The following EIF3B variants were observed in gnomAD, a reference collection of about 807,000 sequenced individuals.
EIF3B encodes eukaryotic translation initiation factor 3 subunit B.
A neutral mutation model predicts 104.6 loss-of-function variants in EIF3B; 10 were observed. The ratio of observed to expected loss-of-function variants is 0.10; its 90% confidence interval spans 0.06 to 0.16. EIF3B has a LOEUF of 0.16. EIF3B is among the 10% of genes least tolerant of loss of function. The probability of loss-of-function intolerance (pLI) is 1.00; values close to 1 mark genes in which losing one functional copy is unlikely to be tolerated. For synonymous variants in EIF3B, 542 were observed against 417.2 expected (o/e 1.30, Z -3.65); for missense variants, 1,014 against 1,087.9 (o/e 0.93, Z 0.96).
At chr7:2,364,279 A>G (rs1779890372) in intron 5 of EIF3B, 93 bp from the exon 6 acceptor site, 9 of 1,237,902 alleles carry the variant, frequency 7.3e-6, no homozygotes, top group Non-Finnish European at 1.0e-5. Context: ...AAAAGTTTGT[A>G]GAACAGATTC....
At chr7:2,371,684 G>C in intron 10 of EIF3B, 93 bp from the exon 11 acceptor site, 12 of 1,022,610 alleles carry the variant, frequency 1.2e-5, no homozygotes, top group Non-Finnish European at 1.7e-5. Flanking sequence ...CATGCACACT[G>C]AATCTTTCAT....
chr7:2,379,224 C>T lies in EIF3B; in HGVS notation c.2323C>T (p.Arg775Cys). 1.2e-6 allele frequency: 2 copies of T among 1,612,824 alleles called. No individual in the cohort carries two copies. The highest frequency in any genetic ancestry group is 1.7e-6 in the Non-Finnish European group (2 of 1,179,430). ...GCTCTATATGGAGCAGAAAAACGAG[C>T]GCCTGGAGTTGCGAGGAGGTAACTT... is the stretch of plus-strand genomic sequence containing the variant. ...QELYMEQKNE[R>C]LELRGGVDTD... The change falls in exon 17 of 19, where the codon CGC becomes TGC. Residue 775 changes from arginine (R) to cysteine (C), a missense_variant. Coordinates refer to ENST00000360876, the MANE Select transcript of EIF3B (RefSeq NM_001037283.2).
intron 1 of EIF3B, among the ~76,000 whole-genome samples, chr7:2,358,015 CT>C (rs11309464): frequency 0.75 from 113,292 of 151,774 alleles, 42,655 homozygotes; most frequent in East Asian, 0.95. Context: ...GCCTTTTTCC[CT>C]TTTTTTTTCT....
rs1401507943 is a variant in EIF3B, at chr7:2,360,852, T to G, written c.642T>G (p.Phe214Leu). ...KNVIHKIFSK[F>L]GKITNDFYPE... ...TCATCCACAAGATCTTTTCCAAGTT[T>G]GGGAAAATCACAAATGATTTTTATC... Residue 214 changes from phenylalanine (F) to leucine (L), a missense_variant, in exon 2 of 19, where the codon TTT becomes TTG. By Grantham distance (22) the Phe-to-Leu change is conservative. This residue lies in a region of EIF3B where 488 missense variants were observed against 404.3 expected (regional missense o/e 1.21). Transcript: ENST00000360876. The G allele has an allele frequency of 6.2e-7, 1 of 1,613,906 alleles. No homozygotes were observed. Among genetic ancestry groups the G allele is most frequent in the Non-Finnish European group, 8.5e-7 (1 of 1,179,812 alleles).
At chr7:2,368,081 T>G (rs1211826805) in intron 9 of EIF3B, among the ~76,000 whole-genome samples, 1 of 151,774 alleles carries the variant, frequency 6.6e-6, no homozygotes, top group African/African-American at 2.4e-5. Context: ...TGACCTCAAG[T>G]GATCTGCCCA....
Position 2,375,313 on chromosome 7 carries a change from C to A in EIF3B, c.1890-76C>A. On this transcript the variant is annotated intron_variant, in intron 13 of 18. Transcript: ENST00000360876. The stretch of plus-strand genomic sequence containing the variant: ...GGCTGGCTCCCTGGGGACCCCATGC[C>A]GCAGCACCTCTCAGGAGTGGGATGC... The A allele has an allele frequency of 2.5e-6, 4 of 1,590,032 alleles. No homozygotes were observed. In the South Asian group the frequency reaches 3.3e-5, roughly 13 times the overall value.
At chr7:2,371,967 A>C in intron 11 of EIF3B, 118 bp downstream of exon 11, 1 of 792,218 alleles carries the variant, frequency 1.3e-6, no homozygotes. Context: ...GTGAGCCCTC[A>C]CCATGAATAG....
At chr7:2,355,971 C>T (rs960961479) in intron 1 of EIF3B, among the ~76,000 whole-genome samples, 6 of 151,978 alleles carry the variant, frequency 3.9e-5, no homozygotes, top group African/African-American at 9.7e-5. Flanking sequence ...TTATCTCTTG[C>T]GCTAAATCTA....
intron 10 of EIF3B, among the ~76,000 whole-genome samples, chr7:2,370,627 CAG>C (rs1780280671): frequency 6.6e-6 from 1 of 152,072 alleles, no homozygotes; most frequent in Non-Finnish European, 1.5e-5. Context: ...TTCGTGTGTT[CAG>C]AGTTATGCAG....
intron 1 of EIF3B, among the ~76,000 whole-genome samples, chr7:2,355,860 G>T (rs1316869005): frequency 6.6e-6 from 1 of 152,192 alleles, no homozygotes; most frequent in African/African-American, 2.4e-5. Context: ...ACAGCTTGTG[G>T]CAGAGCCGGT....
Position 2,360,696 on chromosome 7 carries a change from T to A in EIF3B, c.500-14T>A. 1.3e-6 allele frequency: 2 copies of A among 1,562,174 alleles called. No individual in the cohort carries two copies. Among genetic ancestry groups the A allele is most frequent in the Non-Finnish European group, 1.7e-6 (2 of 1,147,252 alleles). On this transcript the variant is annotated splice_polypyrimidine_tract_variant and intron_variant, in intron 1 of 18. Transcript: ENST00000360876. ...TTGGTAAAAATGATCATTTGAAAAA[T>A]CTCTCTTGTTCAGAATTACTGGGAG...
Position 2,380,356 on chromosome 7 carries a change from G to A in EIF3B, c.*167G>A, listed in dbSNP as rs761791258. 1 of 518,850 alleles carries A rather than the reference G, an allele frequency of 1.9e-6. No homozygotes were observed. The highest frequency in any genetic ancestry group is 3.8e-6 in the Non-Finnish European group (1 of 259,782). The allele number at this position is 518,850 out of a possible 1,614,324, so 32.1% of individuals were successfully genotyped here. ...TCCCGCCTCCTCCCTGTGCTCTCTG[G>A]CTCTGGACTGTGACTGCGCCTGGAT... On this transcript the variant is annotated 3_prime_UTR_variant, in exon 19 of 19. Transcript: ENST00000360876.
chr7:2,369,134 CTTAT>C (rs1780186024), intron 9 of EIF3B, among the ~76,000 whole-genome samples: 1 of 152,172 alleles, frequency 6.6e-6, no homozygotes, highest in Admixed American at 6.5e-5. Flanking sequence ...CAGCCTAAAA[CTTAT>C]TTGCCTCAAA....
chr7:2,378,751 G>C lies in EIF3B; in HGVS notation c.2217G>C (p.Gln739His). Residue 739 changes from glutamine (Q) to histidine (H), a missense_variant, in exon 16 of 19, where the codon CAG becomes CAC. Physicochemically the swap from Gln to His is conservative, Grantham distance 24. Transcript: ENST00000360876. ...TTGAACAGAAGGATCGTTTGAGTCA[G>C]TCCAAAGCCTCAAAGGTGAGCCTCA... ...KIFEQKDRLS[Q>H]SKASKELVER... is the part of the protein sequence containing the mutation. 6.2e-7 allele frequency: 1 copy of C among 1,613,856 alleles called. No individual in the cohort carries two copies. The highest frequency in any genetic ancestry group is 8.5e-7 in the Non-Finnish European group (1 of 1,179,822).
rs191682685 is a variant in EIF3B at position 2,376,234 on chromosome 7, C to T, written c.2028+707C>T. On this transcript the variant is annotated intron_variant, in intron 14 of 18. Coordinates refer to ENST00000360876, the MANE Select transcript of EIF3B (RefSeq NM_001037283.2). ...TTTAGGCCAGGCACAGTGGCTCACA[C>T]CTGTAATCCCAGCACTTCAGGAGGC... is the stretch of plus-strand genomic sequence containing the variant. 1.8e-3 allele frequency: 279 copies of T among 152,174 alleles called. 2 individuals carry two copies. The highest frequency in any genetic ancestry group is 3.4e-3 in the Admixed American group (52 of 15,204). 9.4% of individuals were successfully genotyped at this position (152,174 alleles called of 1,614,324 possible).
chr7:2,380,304 A>AGGCCGTCCTGCAGGAAGCCGC lies in EIF3B; in HGVS notation c.*117_*137dup. 1.9e-6 allele frequency: 1 copy of AGGCCGTCCTGCAGGAAGCCGC among 516,348 alleles called. No homozygotes were observed. The highest frequency in any genetic ancestry group is 3.9e-6 in the Non-Finnish European group (1 of 258,740). 32.0% of individuals were successfully genotyped at this position (516,348 alleles called of 1,614,324 possible). Reference sequence around the variant, plus strand: ...CGCAGCCGTGTGTGCTGTGGAGCCGAGGCCGTCCTGCAGGAAGCCGCGTGA... The same window carrying AGGCCGTCCTGCAGGAAGCCGC: ...CGCAGCCGTGTGTGCTGTGGAGCCGAGGCCGTCCTGCAGGAAGCCGCGGCCGTCCTGCAGGAAGCCGCGTGA... On this transcript the variant is annotated 3_prime_UTR_variant, in exon 19 of 19. Transcript: ENST00000360876.
chr7:2,367,876 C>G (rs917810666), intron 9 of EIF3B, among the ~76,000 whole-genome samples: 1 of 95,628 alleles, frequency 1.0e-5, no homozygotes, highest in African/African-American at 4.4e-5. Flanking sequence ...GAGTCTTACT[C>G]TGTCTTGCAG....
In EIF3B at chr7:2,372,555, T is replaced by G. The variant is rs998923742; in HGVS notation, c.1688-118T>G. 148 of 1,322,536 alleles carry G rather than the reference T, an allele frequency of 1.1e-4. 1 individual carries two copies. The highest frequency in any genetic ancestry group is 5.8e-4 in the Middle Eastern group (3 of 5,182). The allele number at this position is 1,322,536 out of a possible 1,614,324, so 81.9% of individuals were successfully genotyped here. On this transcript the variant is annotated intron_variant, in intron 11 of 18. Coordinates refer to ENST00000360876, the MANE Select transcript of EIF3B (RefSeq NM_001037283.2). The stretch of plus-strand genomic sequence containing the variant: ...GTTGCTTGCTCTCCCGTCCTTTTAA[T>G]GAACTTTTACACGTCGGGGGATATT...
At position 2,360,890 on chromosome 7, in the gene EIF3B, G is replaced by A; in HGVS notation, c.680G>A (p.Gly227Glu). The change falls in exon 2 of 19, where the codon GGG becomes GAG. Residue 227 changes from glycine (G) to glutamate (E), a missense_variant. Around this residue, in one of 4 missense-constraint regions of EIF3B, gnomAD observed 488 missense variants for 404.3 expected, o/e 1.21. Coordinates refer to ENST00000360876, the MANE Select transcript of EIF3B (RefSeq NM_001037283.2). ...AATGATTTTTATCCTGAAGAGGATG[G>A]GAAGACAAAAGGGTGAGTGTTCTCC... Reference protein sequence around the residue: ...ITNDFYPEEDGKTKGYIFLEY... With the variant: ...ITNDFYPEEDEKTKGYIFLEY... The A allele has an allele frequency of 1.9e-6, 3 of 1,610,650 alleles. No homozygotes were observed. The highest frequency in any genetic ancestry group is 2.2e-5 in the East Asian group (1 of 44,776).
Sources: gnomAD v4.1 joint callset for allele counts (sites outside exome capture counted in the v4.1 genomes callset) on GRCh38, gnomAD v4.1.1 for gene constraint, gnomAD v4.1.1 regional missense constraint, MANE v1.5 for transcripts, NCBI Gene and HGNC (gene_info 2026-07-23, HGNC 2026-07-21) for gene names.